ZSWIM5: variants seen among roughly 807,000 people sequenced by gnomAD.
ZSWIM5 encodes zinc finger SWIM domain-containing protein 5.
Under a neutral mutation model 119.6 loss-of-function variants are expected in ZSWIM5, and 55 were observed. That is an observed-to-expected ratio of 0.46 (90% CI 0.37 to 0.58). The LOEUF is 0.58. ZSWIM5 is among the 20% of genes least tolerant of loss of function. The probability of loss-of-function intolerance (pLI) is 0.00; values close to 1 mark genes in which losing one functional copy is unlikely to be tolerated. For missense variants in ZSWIM5, 1,193 were observed against 1,512.8 expected, an observed-to-expected ratio of 0.79 and a Z score of 3.51; for synonymous variants, 537 against 606.9, an observed-to-expected ratio of 0.88 and a Z score of 1.69.
Position 45,019,083 on chromosome 1 carries a change from G to C in ZSWIM5, c.2929C>G (p.His977Asp). 1 of 1,614,224 alleles carries C rather than the reference G, an allele frequency of 6.2e-7. No individual in the cohort carries two copies. Among genetic ancestry groups the C allele is most frequent in the Non-Finnish European group, 8.5e-7 (1 of 1,180,042 alleles). The change falls in exon 14 of 14, where the codon CAC becomes GAC. Residue 977 changes from histidine to aspartate, a missense_variant. By Grantham distance (81) the His-to-Asp change is moderately conservative. This residue lies in a region of ZSWIM5 where 961 missense variants were observed against 1,290.0 expected (regional missense o/e 0.74). Coordinates refer to ENST00000359600, the MANE Select transcript of ZSWIM5 (RefSeq NM_020883.2). The surrounding 1 kb of genome is among the most constrained non-coding windows in gnomAD (Gnocchi z 5.0). ...LSALTLCEKD[H>D]IAFEAAYQIA... is the part of the protein sequence containing the mutation. ...TGGTAGGCTGCCTCAAAGGCAATGTGGTCTTTCTCACAGAGTGTAAGGGCT... is the reference window on the plus strand; with the variant it reads ...TGGTAGGCTGCCTCAAAGGCAATGTCGTCTTTCTCACAGAGTGTAAGGGCT...
At chr1:45,040,131 C>G (rs755735794) in intron 7 of ZSWIM5, among the ~76,000 whole-genome samples, 1 of 152,208 alleles carries the variant, frequency 6.6e-6, no homozygotes, top group Non-Finnish European at 1.5e-5. Context: ...AATCACCATG[C>G]CTGTCCACAG....
At position 45,072,410 on chromosome 1, in the gene ZSWIM5, A is replaced by C. The variant is rs1645227176; in HGVS notation, c.953-12163T>G. On this transcript the variant is annotated intron_variant, in intron 2 of 13. Coordinates refer to ENST00000359600, the MANE Select transcript of ZSWIM5 (RefSeq NM_020883.2). This position sits in a 1 kb window ranked among gnomAD's most constrained non-coding sequence, Gnocchi z 4.1. ...TGTCAATTATTTCCTTTCTGTACAG[A>C]AGCTTTTTAACTTGATGTGATCCCA... 6.6e-6 allele frequency among the ~76,000 whole-genome samples: 1 copy of C among 151,904 alleles called. No homozygotes were observed. Among genetic ancestry groups the C allele is most frequent in the Admixed American group, 6.6e-5 (1 of 15,252 alleles).
intron 1 of ZSWIM5, among the ~76,000 whole-genome samples, chr1:45,203,533 A>T (rs1188169947): frequency 1.3e-5 from 2 of 152,054 alleles, no homozygotes; most frequent in Non-Finnish European, 2.9e-5. Context: ...TAGAATTCTT[A>T]ATTAGCATCA....
At chr1:45,141,843 C>T (rs1028200193) in intron 1 of ZSWIM5, among the ~76,000 whole-genome samples, 3 of 152,102 alleles carry the variant, frequency 2.0e-5, no homozygotes, top group Admixed American at 6.5e-5. Context: ...AGTAATCCCA[C>T]GGTGGCTGGG....
At chr1:45,142,096 G>C (rs1299833034) in intron 1 of ZSWIM5, among the ~76,000 whole-genome samples, 1 of 152,034 alleles carries the variant, frequency 6.6e-6, no homozygotes, top group African/African-American at 2.4e-5. Flanking sequence ...TGTGGTCCTA[G>C]CTACTCAGGA....
In ZSWIM5 at chr1:45,038,959, T is replaced by C. The variant is rs753080634; in HGVS notation, c.1871A>G (p.Asp624Gly). The C allele has an allele frequency of 6.2e-6, 10 of 1,613,994 alleles. No homozygotes were observed. Among genetic ancestry groups the C allele is most frequent in the South Asian group, 5.5e-5 (5 of 91,070 alleles). ...ACCTGACATCTCCAGATAGCCATCA[T>C]CATTCAGGCGGCAGGCCTCAGTCAA... ...LTLTEACRLN[D>G]DGYLEMSDMN... is the part of the protein sequence containing the mutation. The change falls in exon 8 of 14, where the codon GAT becomes GGT. Residue 624 changes from aspartate to glycine, a missense_variant. Asp to Gly is a moderately conservative substitution (Grantham distance 94). Around this residue, in one of 2 missense-constraint regions of ZSWIM5, gnomAD observed 961 missense variants for 1,290.0 expected, o/e 0.74. Coordinates refer to ENST00000359600, the MANE Select transcript of ZSWIM5 (RefSeq NM_020883.2).
chr1:45,166,386 G>A (rs952857557), intron 1 of ZSWIM5, among the ~76,000 whole-genome samples: 1 of 152,034 alleles, frequency 6.6e-6, no homozygotes, highest in African/African-American at 2.4e-5. Flanking sequence ...AAAACTGGAA[G>A]CATTCCCTTT....
intron 1 of ZSWIM5, among the ~76,000 whole-genome samples, chr1:45,115,545 C>T (rs1013785436): frequency 5.4e-5 from 8 of 147,938 alleles, no homozygotes; most frequent in South Asian, 2.2e-4. Flanking sequence ...AGACGGGGCG[C>T]GGGGCAGAGG....
chr1:45,124,053 A>G (rs1202905651), intron 1 of ZSWIM5, among the ~76,000 whole-genome samples: 2 of 152,196 alleles, frequency 1.3e-5, no homozygotes, highest in Non-Finnish European at 2.9e-5. Flanking sequence ...TCAGAAATGA[A>G]GGCAAAATCA....
At chr1:45,122,736 C>G (rs1046565093) in intron 1 of ZSWIM5, among the ~76,000 whole-genome samples, 1 of 152,176 alleles carries the variant, frequency 6.6e-6, no homozygotes, top group Non-Finnish European at 1.5e-5. Context: ...AGCCTGCTCT[C>G]TCTAACTAAA....
chr1:45,058,416 T>C (rs747127507), intron 4 of ZSWIM5, among the ~76,000 whole-genome samples, 193 bp downstream of exon 4: 14 of 152,186 alleles, frequency 9.2e-5, no homozygotes, highest in Non-Finnish European at 1.9e-4. Context: ...TTGATGTCAA[T>C]AGCAAAGCAC....
At chr1:45,044,134 G>A (rs1242142228) in intron 5 of ZSWIM5, among the ~76,000 whole-genome samples, 1 of 150,716 alleles carries the variant, frequency 6.6e-6, no homozygotes, top group Non-Finnish European at 1.5e-5. Context: ...AGGCTGCAGT[G>A]AGCCAAGATT....
chr1:45,181,542 C>T (rs902710448), intron 1 of ZSWIM5, among the ~76,000 whole-genome samples: 3 of 151,974 alleles, frequency 2.0e-5, no homozygotes, highest in Admixed American at 2.0e-4. Flanking sequence ...CCCAATCTAG[C>T]AAGGCAGGCC....
chr1:45,064,228 A>G (rs571278892), intron 2 of ZSWIM5, among the ~76,000 whole-genome samples: 2 of 152,200 alleles, frequency 1.3e-5, no homozygotes, highest in African/African-American at 2.4e-5. Context: ...ACTAATTAAC[A>G]TTCTACATAG....
At chr1:45,184,199 C>T (rs1455582904) in intron 1 of ZSWIM5, among the ~76,000 whole-genome samples, 1 of 152,072 alleles carries the variant, frequency 6.6e-6, no homozygotes, top group African/African-American at 2.4e-5. Context: ...AATTCAACAA[C>T]CCTTCATGCT....
At chr1:45,020,477 T>C in intron 12 of ZSWIM5, 148 bp downstream of exon 12, 3 of 1,014,400 alleles carry the variant, frequency 3.0e-6, no homozygotes, top group Non-Finnish European at 4.4e-6. Flanking sequence ...TATGAAATCC[T>C]TGCCTTTTCC....
intron 11 of ZSWIM5, among the ~76,000 whole-genome samples, chr1:45,024,444 G>A (rs566128353): frequency 6.6e-5 from 10 of 150,940 alleles, no homozygotes; most frequent in Middle Eastern, 3.2e-3. Context: ...CACCTGCCTC[G>A]ACCTCCCCAA....
Position 45,019,498 on chromosome 1 carries a change from G to T in ZSWIM5, c.2696-182C>A, listed in dbSNP as rs1394430711. ...CCCAGATGGCCAGACCCTGTTTGGG[G>T]TCTCTTCCTATCCCTTCTTTCCCCA... is the stretch of plus-strand genomic sequence containing the variant. On this transcript the variant is annotated intron_variant, in intron 13 of 13. Coordinates refer to ENST00000359600, the MANE Select transcript of ZSWIM5 (RefSeq NM_020883.2). The surrounding 1 kb of genome is among the most constrained non-coding windows in gnomAD (Gnocchi z 5.0). 6.6e-6 allele frequency among the ~76,000 whole-genome samples: 1 copy of T among 152,200 alleles called. No individual in the cohort carries two copies. Among genetic ancestry groups the T allele is most frequent in the Admixed American group, 6.5e-5 (1 of 15,288 alleles).
chr1:45,151,563 T>G (rs985188848), intron 1 of ZSWIM5, among the ~76,000 whole-genome samples: 2 of 152,146 alleles, frequency 1.3e-5, no homozygotes, highest in Admixed American at 1.3e-4. Context: ...TTATTATATA[T>G]AATTATGACA....
Sources: gnomAD v4.1 joint callset for allele counts (sites outside exome capture counted in the v4.1 genomes callset) on GRCh38, gnomAD v4.1.1 for gene constraint, gnomAD v4.1.1 regional missense constraint, Gnocchi (gnomAD v3.1) non-coding constraint, MANE v1.5 for transcripts, NCBI Gene and HGNC (gene_info 2026-07-23, HGNC 2026-07-21) for gene names.